DPP6: variants seen among roughly 807,000 people sequenced by gnomAD.
DPP6 encodes dipeptidyl peptidase like 6, also known as A-type potassium channel modulatory protein DPP6.
In DPP6, 69 loss-of-function variants were observed where a neutral mutation model predicts 122.6. The observed-to-expected ratio is 0.56, with a 90% CI of 0.46 to 0.69. The LOEUF is 0.69. Ranked by LOEUF, DPP6 falls within the 30% of genes least tolerant of loss-of-function variation. The probability of loss-of-function intolerance (pLI) is 0.00; values close to 1 mark genes in which losing one functional copy is unlikely to be tolerated. For missense variants in DPP6, 928 were observed against 1,116.9 expected (o/e 0.83, Z 2.41); for synonymous variants, 418 against 433.1 (o/e 0.97, Z 0.43).
At chr7:153,767,719 T>C in the DPP6 span, among the ~76,000 whole-genome samples, 858 of 152,256 alleles carry the variant, frequency 5.6e-3, 6 homozygotes, top group African/African-American at 0.019. Flanking sequence ...GTATCACATA[T>C]TGTGGGAAAC....
At chr7:153,846,486 T>G in the DPP6 span, among the ~76,000 whole-genome samples, 1 of 152,100 alleles carries the variant, frequency 6.6e-6, no homozygotes, top group East Asian at 1.9e-4. Context: ...ATTAATTTTT[T>G]TTTGTATTTC....
intron 1 of DPP6, among the ~76,000 whole-genome samples, chr7:154,402,298 C>T (rs1222153632): frequency 7.2e-5 from 11 of 151,894 alleles, no homozygotes; most frequent in Non-Finnish European, 4.4e-5. Flanking sequence ...CACATGCACA[C>T]GTATGTTTAT....
chr7:154,150,407 A>G (rs1266205422), intron 1 of DPP6, among the ~76,000 whole-genome samples: 2 of 152,148 alleles, frequency 1.3e-5, no homozygotes, highest in Non-Finnish European at 2.9e-5. Context: ...CTGGGACCAA[A>G]TACCAGGGCT....
At chr7:154,008,658 C>CTTTTTTTT (rs57634994) in intron 1 of DPP6, among the ~76,000 whole-genome samples, 4 of 101,514 alleles carry the variant, frequency 3.9e-5, no homozygotes, top group African/African-American at 7.9e-5. Flanking sequence ...TATTTCTTTT[C>CTTTTTTTT]TTTTTTTTTT....
chr7:154,083,122 T>C (rs1804149434), intron 1 of DPP6, among the ~76,000 whole-genome samples: 1 of 152,068 alleles, frequency 6.6e-6, no homozygotes, highest in African/African-American at 2.4e-5. Flanking sequence ...GTGCTGGGAT[T>C]ACAGGCGTGA....
At chr7:153,778,827 T>C in the DPP6 span, among the ~76,000 whole-genome samples, 1 of 150,596 alleles carries the variant, frequency 6.6e-6, no homozygotes, top group East Asian at 1.9e-4. Context: ...GTAATTCTAT[T>C]CCTGAGTATT....
the DPP6 span, among the ~76,000 whole-genome samples, chr7:153,761,360 C>T: frequency 2.0e-5 from 3 of 152,188 alleles, no homozygotes; most frequent in East Asian, 5.8e-4. Context: ...AAATTTTATG[C>T]TGAATATATT....
rs573522174 is a variant in DPP6, at chr7:154,366,024, G to A, written c.244-80190G>A. Among the ~76,000 whole-genome samples, 6 of 151,340 alleles carry A rather than the reference G, an allele frequency of 4.0e-5. No homozygotes were observed. The South Asian group carries it at 1.3e-3, about 32-fold the overall frequency. On this transcript the variant is annotated intron_variant, in intron 1 of 25. Coordinates refer to ENST00000377770, the MANE Select transcript of DPP6 (RefSeq NM_130797.4). ...GCCTTGTCTCTATCTTCCGGGGTAA[G>A]CCTGCGCTGCTGGGCTCCTGACAGG...
intron 1 of DPP6, among the ~76,000 whole-genome samples, chr7:154,044,916 C>A (rs905399208): frequency 1.3e-5 from 2 of 151,226 alleles, no homozygotes; most frequent in African/African-American, 2.4e-5. Flanking sequence ...TTTTTCTTTG[C>A]AGTTCTGCAG....
At chr7:153,850,082 AAT>A in the DPP6 span, among the ~76,000 whole-genome samples, 6 of 152,174 alleles carry the variant, frequency 3.9e-5, no homozygotes, top group Non-Finnish European at 7.3e-5. Flanking sequence ...GTTGCCGTAT[AAT>A]AATATTGCCA....
intron 7 of DPP6, among the ~76,000 whole-genome samples, chr7:154,678,353 C>T (rs1839058696): frequency 6.6e-6 from 1 of 152,228 alleles, no homozygotes. Context: ...TGAGCTGTAA[C>T]ACTCACTGCA....
chr7:154,486,663 G>A lies in DPP6; in HGVS notation c.457+11626G>A, dbSNP rs1170007280. Among the ~76,000 whole-genome samples the A allele has an allele frequency of 6.6e-6, 1 of 152,208 alleles. No individual in the cohort carries two copies. The highest frequency in any genetic ancestry group is 1.5e-5 in the Non-Finnish European group (1 of 68,040). On this transcript the variant is annotated intron_variant, in intron 3 of 25. Transcript: ENST00000377770. The surrounding 1 kb of genome is among the most constrained non-coding windows in gnomAD (Gnocchi z 4.5). ...AGAACTTTACAAAACTTCAGTCAGA[G>A]CATCAGCTTGTGAACCAGCTAGGGT...
At chr7:154,392,332 G>A (rs1188846041) in intron 1 of DPP6, among the ~76,000 whole-genome samples, 1 of 152,170 alleles carries the variant, frequency 6.6e-6, no homozygotes, top group Non-Finnish European at 1.5e-5. Context: ...AAATGGGTGG[G>A]TGTAAGTGAT....
intron 6 of DPP6, among the ~76,000 whole-genome samples, chr7:154,667,437 A>G (rs1838234386): frequency 6.6e-6 from 1 of 152,202 alleles, no homozygotes; most frequent in African/African-American, 2.4e-5. Flanking sequence ...ATCATAACAT[A>G]CAAATGTTGG....
the DPP6 span, among the ~76,000 whole-genome samples, chr7:153,865,440 T>A: frequency 2.6e-5 from 4 of 152,160 alleles, no homozygotes; most frequent in African/African-American, 7.2e-5. Flanking sequence ...AAAGGGGCTC[T>A]AGTTTCTTTC....
At chr7:154,407,868 C>T (rs939189742) in intron 1 of DPP6, among the ~76,000 whole-genome samples, 3 of 152,130 alleles carry the variant, frequency 2.0e-5, no homozygotes, top group African/African-American at 7.2e-5. Flanking sequence ...GGAGAGGATT[C>T]TCCATCAGGA....
chr7:153,947,838 G>A (rs956638779), intron 1 of DPP6, among the ~76,000 whole-genome samples: 2 of 152,156 alleles, frequency 1.3e-5, no homozygotes, highest in Non-Finnish European at 2.9e-5. Context: ...GTGGGTCCTA[G>A]GACCTCCTTC....
chr7:154,147,836 A>G (rs888245349), intron 1 of DPP6, among the ~76,000 whole-genome samples: 1 of 152,102 alleles, frequency 6.6e-6, no homozygotes, highest in African/African-American at 2.4e-5. Context: ...GAGCCGCAGC[A>G]CCTGGCCTAT....
At chr7:153,895,686 AT>A (rs1725407693) in intron 1 of DPP6, among the ~76,000 whole-genome samples, 1 of 151,874 alleles carries the variant, frequency 6.6e-6, no homozygotes, top group Non-Finnish European at 1.5e-5. Context: ...AAGACTGTAT[AT>A]GTGTGTGTGT....
Sources: allele counts gnomAD v4.1 joint callset (sites outside exome capture counted in the v4.1 genomes callset), GRCh38; gene constraint gnomAD v4.1.1; non-coding constraint Gnocchi (gnomAD v3.1); transcripts MANE v1.5; gene names NCBI Gene and HGNC (gene_info 2026-07-23, HGNC 2026-07-21).